NCAM2: variants seen among roughly 807,000 people sequenced by gnomAD.
NCAM2 encodes neural cell adhesion molecule 2.
In NCAM2, 30 loss-of-function variants were observed where a neutral mutation model predicts 98.1. The ratio of observed to expected loss-of-function variants is 0.31; its 90% CI spans 0.23 to 0.41. NCAM2 has a LOEUF of 0.41. Ranked by LOEUF, NCAM2 falls within the 10% of genes least tolerant of loss-of-function variation. The pLI is 1.00. For synonymous variants in NCAM2, 368 were observed against 342.4 expected (o/e 1.07, Z -0.83); for missense variants, 867 against 1,005.8 (o/e 0.86, Z 1.87).
chr21:21,385,683 A>G, intron 9 of NCAM2: 2 of 1,282,074 alleles, frequency 1.6e-6, no homozygotes, highest in Admixed American at 4.7e-5. Flanking sequence ...CAGGAATTGA[A>G]CTAAACTTCC....
At chr21:21,361,136 CT>C (rs2075633845) in intron 8 of NCAM2, among the ~76,000 whole-genome samples, 1 of 152,096 alleles carries the variant, frequency 6.6e-6, no homozygotes, top group Non-Finnish European at 1.5e-5. Flanking sequence ...TTCATCCACT[CT>C]AACATCAGTC....
At chr21:21,499,629 A>T (rs1987493932) in intron 15 of NCAM2, among the ~76,000 whole-genome samples, 1 of 152,204 alleles carries the variant, frequency 6.6e-6, no homozygotes, top group African/African-American at 2.4e-5. Context: ...AGTTTAAAAA[A>T]AAATACTGCT....
chr21:21,513,353 A>G (rs1988511429), intron 16 of NCAM2, among the ~76,000 whole-genome samples: 1 of 152,102 alleles, frequency 6.6e-6, no homozygotes, highest in African/African-American at 2.4e-5. Flanking sequence ...GCCACTCAGT[A>G]CTACTTTTGC....
chr21:21,397,043 G>A (rs2076523887), intron 9 of NCAM2, among the ~76,000 whole-genome samples: 1 of 152,302 alleles, frequency 6.6e-6, no homozygotes, highest in African/African-American at 2.4e-5. Flanking sequence ...AAGGAGGAAA[G>A]CAGTTTCATT....
At chr21:21,196,255 G>T (rs2069000921) in intron 1 of NCAM2, among the ~76,000 whole-genome samples, 1 of 152,144 alleles carries the variant, frequency 6.6e-6, no homozygotes, top group Admixed American at 6.5e-5. Flanking sequence ...ACCTCACCAG[G>T]AATCATGCCC....
chr21:21,475,180 A>T (rs1331199427), intron 14 of NCAM2, among the ~76,000 whole-genome samples: 1 of 152,050 alleles, frequency 6.6e-6, no homozygotes, highest in Non-Finnish European at 1.5e-5. Context: ...TAAAAAACTG[A>T]CACCTTCTTG....
chr21:21,054,974 G>C (rs1369860865), intron 1 of NCAM2, among the ~76,000 whole-genome samples: 1 of 151,924 alleles, frequency 6.6e-6, no homozygotes, highest in African/African-American at 2.4e-5. Flanking sequence ...ATTTTCTTTA[G>C]CTTTGAGATC....
chr21:21,053,944 CT>C (rs11288881), intron 1 of NCAM2, among the ~76,000 whole-genome samples: 138,914 of 147,822 alleles, frequency 0.94, 65,818 homozygotes, highest in East Asian at 1. Flanking sequence ...TTAAGCTATT[CT>C]TTTTTTTTTT....
At chr21:21,017,726 T>C (rs906937072) in intron 1 of NCAM2, among the ~76,000 whole-genome samples, 12 of 152,132 alleles carry the variant, frequency 7.9e-5, no homozygotes, top group Non-Finnish European at 1.5e-5. Context: ...AATTTCTTTT[T>C]AGGATAGCTA....
chr21:21,383,965 ACAGT>A, intron 9 of NCAM2, among the ~76,000 whole-genome samples: 1 of 152,182 alleles, frequency 6.6e-6, no homozygotes, highest in South Asian at 2.1e-4. Context: ...AGTCCTTTGG[ACAGT>A]CAATTTTGTT....
intron 1 of NCAM2, among the ~76,000 whole-genome samples, chr21:21,261,076 A>G (rs187994368): frequency 3.7e-4 from 57 of 152,216 alleles, no homozygotes; most frequent in African/African-American, 1.3e-3. Flanking sequence ...TATGTAACAG[A>G]TTTTAAACCA....
At chr21:21,489,659 A>T (rs1986685501) in intron 15 of NCAM2, among the ~76,000 whole-genome samples, 2 of 152,182 alleles carry the variant, frequency 1.3e-5, no homozygotes, top group Admixed American at 6.5e-5. Context: ...ATATACAGAT[A>T]TTCTACAAAT....
chr21:21,158,067 G>T (rs2067668800), intron 1 of NCAM2, among the ~76,000 whole-genome samples: 1 of 152,040 alleles, frequency 6.6e-6, no homozygotes, highest in African/African-American at 2.4e-5. Context: ...CCCTATGTTT[G>T]CTTATTCTGA....
intron 9 of NCAM2, among the ~76,000 whole-genome samples, chr21:21,397,805 A>G (rs9636695): frequency 0.024 from 3,705 of 152,272 alleles, 73 homozygotes; most frequent in East Asian, 0.072. Context: ...GACCTCCCCA[A>G]CTGCAGCTGG....
At chr21:21,021,402 A>G (rs901567500) in intron 1 of NCAM2, among the ~76,000 whole-genome samples, 5 of 152,208 alleles carry the variant, frequency 3.3e-5, no homozygotes, top group Non-Finnish European at 7.3e-5. Flanking sequence ...GACCTCATCA[A>G]GCAATGGGTG....
chr21:21,504,533 A>G (rs897462125), intron 15 of NCAM2, among the ~76,000 whole-genome samples: 4 of 151,986 alleles, frequency 2.6e-5, no homozygotes, highest in Admixed American at 2.6e-4. Flanking sequence ...TAATGATGTC[A>G]TTTCATATGT....
At chr21:21,202,329 T>A (rs529632677) in intron 1 of NCAM2, among the ~76,000 whole-genome samples, 1 of 149,976 alleles carries the variant, frequency 6.7e-6, no homozygotes, top group East Asian at 2.0e-4. Flanking sequence ...TGGCACCAAA[T>A]AAATGCTCAA....
At chr21:21,236,523 A>G (rs2070831293) in intron 1 of NCAM2, among the ~76,000 whole-genome samples, 1 of 152,084 alleles carries the variant, frequency 6.6e-6, no homozygotes, top group Non-Finnish European at 1.5e-5. Flanking sequence ...TATTTAATCA[A>G]ATTTGTGCAA....
chr21:21,135,652 C>T (rs934875107), intron 1 of NCAM2, among the ~76,000 whole-genome samples: 1 of 152,162 alleles, frequency 6.6e-6, no homozygotes, highest in African/African-American at 2.4e-5. Flanking sequence ...TGCTTGTACT[C>T]TCACTATCTC....
Sources: allele counts gnomAD v4.1 joint callset (sites outside exome capture counted in the v4.1 genomes callset), GRCh38; gene constraint gnomAD v4.1.1; transcripts MANE v1.5; gene names NCBI Gene and HGNC (gene_info 2026-07-23, HGNC 2026-07-21).